The following GRK3 variants were observed in gnomAD, a reference collection of about 807,000 sequenced individuals.
The protein encoded by GRK3 is G protein-coupled receptor kinase 3, also known as adrenergic, beta, receptor kinase 2.
GRK3 carries 54 observed loss-of-function variants against 95.7 expected under a neutral mutation model. The observed-to-expected ratio is 0.56, with a 90% CI of 0.45 to 0.71. The LOEUF (loss-of-function observed/expected upper bound fraction) is 0.71. Ranked by LOEUF, GRK3 falls within the 30% of genes least tolerant of loss-of-function variation. GRK3 has a pLI of 0.00. For missense variants in GRK3, 649 were observed against 851.2 expected (o/e 0.76, Z 2.96); for synonymous variants, 281 against 290.8 (o/e 0.97, Z 0.34).
intron 13 of GRK3, among the ~76,000 whole-genome samples, chr22:25,696,186 C>T (rs2085207387): frequency 6.6e-6 from 1 of 152,014 alleles, no homozygotes; most frequent in Admixed American, 6.6e-5. Context: ...TGCCATGTTG[C>T]CCAGGCTGGT....
Position 25,592,959 on chromosome 22 carries a change from C to T in GRK3, c.114-11418C>T, listed in dbSNP as rs938014329. 2.6e-4 allele frequency among the ~76,000 whole-genome samples: 39 copies of T among 150,332 alleles called. 1 individual carries two copies. The highest frequency in any genetic ancestry group is 4.6e-4 in the Non-Finnish European group (31 of 67,272). ...TAATTTGCTTAGGATAATCACCTAC[C>T]GCTGCATTCACATTGCTGCAAAGGA... On this transcript the variant is annotated intron_variant, in intron 1 of 20. Coordinates refer to ENST00000324198, the MANE Select transcript of GRK3 (RefSeq NM_005160.4).
At chr22:25,606,181 G>C (rs541453615) in intron 2 of GRK3, among the ~76,000 whole-genome samples, 1 of 152,216 alleles carries the variant, frequency 6.6e-6, no homozygotes, top group Non-Finnish European at 1.5e-5. Flanking sequence ...CTCACTGGGC[G>C]CTGATGGGCT....
chr22:25,635,158 ATTC>A (rs1569172894), intron 2 of GRK3, among the ~76,000 whole-genome samples: 2 of 152,350 alleles, frequency 1.3e-5, no homozygotes, highest in East Asian at 3.9e-4. Flanking sequence ...GCCCAAGACA[ATTC>A]TTCTTCCAAT....
rs201580922 is a variant in GRK3, at chr22:25,709,894, C to T, written c.1329-4C>T. 4.3e-6 allele frequency: 7 copies of T among 1,611,966 alleles called. No homozygotes were observed. Among genetic ancestry groups the T allele is most frequent in the Middle Eastern group, 1.7e-4 (1 of 6,060 alleles). The stretch of plus-strand genomic sequence containing the variant: ...CAGCACTGTTATGACTCTTTCTCCT[C>T]CAGCTCACAGGAAGTAAAAGAGCAC... On this transcript the variant is annotated splice_polypyrimidine_tract_variant and splice_region_variant and intron_variant, in intron 15 of 20. Coordinates refer to ENST00000324198, the MANE Select transcript of GRK3 (RefSeq NM_005160.4).
In GRK3 at chr22:25,722,421, C is replaced by G. The variant is rs537834858; in HGVS notation, c.2038C>G (p.Leu680Val). The part of the protein sequence containing the change: ...SGTVELPKPS[L>V]CHRNSNGL ...TACTGTGGAGCTCCCAAAGCCATCC[C>G]TCTGTCACAGAAACAGCAACGGCCT... The change falls in exon 21 of 21, where the codon CTC becomes GTC. Residue 680 changes from leucine (L) to valine (V), a missense_variant. By Grantham distance (32) the Leu-to-Val change is conservative. Around this residue, in one of 3 missense-constraint regions of GRK3, gnomAD observed 382 missense variants for 493.8 expected, o/e 0.77. Coordinates refer to ENST00000324198, the MANE Select transcript of GRK3 (RefSeq NM_005160.4). 2.4e-5 allele frequency: 39 copies of G among 1,614,154 alleles called. 1 individual carries two copies. The South Asian group carries it at 3.8e-4, about 16-fold the overall frequency.
At position 25,578,154 on chromosome 22, in the gene GRK3, A is replaced by G. The variant is rs537132804; in HGVS notation, c.113+13001A>G. On this transcript the variant is annotated intron_variant, in intron 1 of 20. Coordinates refer to ENST00000324198, the MANE Select transcript of GRK3 (RefSeq NM_005160.4). ...GAAATTCATGATTTTTTTTTCAAAT[A>G]TGTGTGCTTATCATCCCCAGTCTTT... 4.6e-5 allele frequency among the ~76,000 whole-genome samples: 7 copies of G among 152,078 alleles called. No homozygotes were observed. The East Asian group carries it at 1.3e-3, about 29-fold the overall frequency.
chr22:25,589,621 A>T (rs1932429728), intron 1 of GRK3, among the ~76,000 whole-genome samples: 1 of 152,224 alleles, frequency 6.6e-6, no homozygotes, highest in South Asian at 2.1e-4. Flanking sequence ...TTGATGCTTT[A>T]AAACTTTGTA....
chr22:25,706,463 C>A (rs1431977254), intron 15 of GRK3, among the ~76,000 whole-genome samples: 5 of 152,076 alleles, frequency 3.3e-5, no homozygotes, highest in Non-Finnish European at 5.9e-5. Context: ...TGTCAGCACC[C>A]CCTCTTGTCT....
chr22:25,607,547 C>G (rs1185637608), intron 2 of GRK3, among the ~76,000 whole-genome samples: 1 of 151,866 alleles, frequency 6.6e-6, no homozygotes, highest in Non-Finnish European at 1.5e-5. Flanking sequence ...GCTTTTCTGT[C>G]TGCTTCTTAA....
chr22:25,665,009 T>A (rs1464819020), intron 5 of GRK3, among the ~76,000 whole-genome samples: 1 of 152,220 alleles, frequency 6.6e-6, no homozygotes, highest in Admixed American at 6.5e-5. Flanking sequence ...GCTTGGGTTA[T>A]GAAATTCATT....
rs555319973 is a variant in GRK3 at position 25,646,220 on chromosome 22, A to G, written c.264+1555A>G. On this transcript the variant is annotated intron_variant, in intron 3 of 20. Transcript: ENST00000324198. Reference sequence around the variant, plus strand: ...AGTCAGATATTGGAGTTAGCAGACAATAACTTTAAAATAACTATGAATCAT... The same window carrying G: ...AGTCAGATATTGGAGTTAGCAGACAGTAACTTTAAAATAACTATGAATCAT... Among the ~76,000 whole-genome samples, 16 of 152,366 alleles carry G rather than the reference A, an allele frequency of 1.1e-4. No individual in the cohort carries two copies. In the East Asian group the frequency reaches 2.9e-3, roughly 28 times the overall value.
At chr22:25,647,650 G>C in intron 3 of GRK3, 2 of 1,437,498 alleles carry the variant, frequency 1.4e-6, no homozygotes, top group Non-Finnish European at 2.0e-6. Context: ...AGACTGGTGG[G>C]AAGCAAGATC....
rs543447110 is a variant in GRK3, at chr22:25,729,262, T to C, written c.*6812T>C. ...GTTTTCTGTGTTGGTAAATTGCCTATATAAATCTGAATAAAAAGGATCTGT... is the reference window on the plus strand; with the variant it reads ...GTTTTCTGTGTTGGTAAATTGCCTACATAAATCTGAATAAAAAGGATCTGT... On this transcript the variant is annotated 3_prime_UTR_variant, in exon 21 of 21. Transcript: ENST00000324198. 2.6e-5 allele frequency: 4 copies of C among 152,346 alleles called. 1 individual carries two copies. The highest frequency in any genetic ancestry group is 9.6e-5 in the African/African-American group (4 of 41,582). 9.4% of individuals were successfully genotyped at this position (152,346 alleles called of 1,614,324 possible).
chr22:25,699,007 T>C (rs1220113789), intron 13 of GRK3, among the ~76,000 whole-genome samples: 1 of 152,172 alleles, frequency 6.6e-6, no homozygotes, highest in Non-Finnish European at 1.5e-5. Flanking sequence ...ATGTCATTAC[T>C]AAAATCAGCG....
intron 2 of GRK3, among the ~76,000 whole-genome samples, chr22:25,612,629 T>C (rs981596037): frequency 6.6e-6 from 1 of 152,160 alleles, no homozygotes; most frequent in African/African-American, 2.4e-5. Flanking sequence ...TCCTTTCAGT[T>C]TTTACTTTTC....
chr22:25,631,309 C>T (rs2084662470), intron 2 of GRK3, among the ~76,000 whole-genome samples: 1 of 152,156 alleles, frequency 6.6e-6, no homozygotes, highest in African/African-American at 2.4e-5. Context: ...TTACCAAGAA[C>T]CTTTCTAATG....
chr22:25,655,739 C>G (rs2084866287), intron 3 of GRK3, among the ~76,000 whole-genome samples: 1 of 152,138 alleles, frequency 6.6e-6, no homozygotes, highest in Admixed American at 6.5e-5. Flanking sequence ...AGACCCTGAG[C>G]TTACAAATGC....
chr22:25,575,319 A>G (rs1045884821), intron 1 of GRK3, among the ~76,000 whole-genome samples: 2 of 152,254 alleles, frequency 1.3e-5, no homozygotes, highest in South Asian at 2.1e-4. Flanking sequence ...TAGCTGGGGT[A>G]GCATAGATGA....
chr22:25,702,277 AT>A (rs577153421), intron 13 of GRK3, among the ~76,000 whole-genome samples: 25 of 152,322 alleles, frequency 1.6e-4, no homozygotes, highest in East Asian at 1.3e-3. Context: ...AACCTAATTA[AT>A]TCAGTAGGAT....
Sources: allele counts gnomAD v4.1 joint callset (sites outside exome capture counted in the v4.1 genomes callset), GRCh38; gene constraint gnomAD v4.1.1; regional missense constraint gnomAD v4.1.1; transcripts MANE v1.5; gene names NCBI Gene and HGNC (gene_info 2026-07-23, HGNC 2026-07-21).